The following CSMD1 variants were observed in gnomAD, a reference collection of about 807,000 sequenced individuals.
CSMD1 encodes the protein CUB and Sushi multiple domains 1.
A neutral mutation model predicts 417.5 loss-of-function variants in CSMD1; 213 were observed. The observed-to-expected ratio is 0.51, with a 90% CI of 0.46 to 0.57. The LOEUF (loss-of-function observed/expected upper bound fraction) is 0.57. Among genes scored for constraint, CSMD1 ranks in the 20% least tolerant of loss-of-function variants. The pLI, the probability that CSMD1 is intolerant of heterozygous loss-of-function variation, is 0.00. For missense variants in CSMD1, 6,923 were observed against 4,529.7 expected (o/e 1.53, Z -15.17); for synonymous variants, 2,862 against 1,736.8 (o/e 1.65, Z -16.11).
chr8:3,793,596 C>T (rs777037039), intron 5 of CSMD1, among the ~76,000 whole-genome samples: 1 of 152,074 alleles, frequency 6.6e-6, no homozygotes, highest in Non-Finnish European at 1.5e-5. Flanking sequence ...ACATGCCTCT[C>T]TTGCAGTAAA....
At chr8:4,131,734 T>G (rs1374931403) in intron 3 of CSMD1, among the ~76,000 whole-genome samples, 5 of 148,660 alleles carry the variant, frequency 3.4e-5, no homozygotes, top group African/African-American at 7.3e-5. Context: ...GTTATCAAGA[T>G]TAAATTAGTA....
chr8:3,000,837 G>C (rs1276048009), intron 52 of CSMD1, among the ~76,000 whole-genome samples: 2 of 152,148 alleles, frequency 1.3e-5, no homozygotes, highest in African/African-American at 2.4e-5. Context: ...GCGCGAGATC[G>C]CGACAGGCGT....
chr8:2,942,056 A>C (rs1411487732), intron 69 of CSMD1, among the ~76,000 whole-genome samples: 2 of 152,228 alleles, frequency 1.3e-5, no homozygotes, highest in African/African-American at 4.8e-5. Flanking sequence ...GACAACAAAA[A>C]ATCTTGACAA....
chr8:2,960,301 T>G (rs542033109), intron 62 of CSMD1, among the ~76,000 whole-genome samples: 2 of 152,340 alleles, frequency 1.3e-5, no homozygotes, highest in East Asian at 3.9e-4. Flanking sequence ...CCCTGTGGGA[T>G]GCAAGAGAGC....
rs548020602 is a variant in CSMD1 at position 4,008,393 on chromosome 8, G to C, written c.611-10283C>G. 5.3e-5 allele frequency among the ~76,000 whole-genome samples: 8 copies of C among 151,634 alleles called. No individual in the cohort carries two copies. The South Asian group carries it at 1.0e-3, about 20-fold the overall frequency. On this transcript the variant is annotated intron_variant, in intron 4 of 69. Coordinates refer to ENST00000635120, the MANE Select transcript of CSMD1 (RefSeq NM_033225.6). The stretch of plus-strand genomic sequence containing the variant: ...GCATGAAAATATATCAAAGTTTTCA[G>C]ACACTAATATGTATTATATAATTTT...
intron 3 of CSMD1, among the ~76,000 whole-genome samples, chr8:4,093,368 A>G (rs2130854144): frequency 6.6e-6 from 1 of 152,328 alleles, no homozygotes; most frequent in Admixed American, 6.5e-5. Flanking sequence ...GTTAAATTTT[A>G]TATTTAACGT....
chr8:4,613,288 T>C (rs1801287406), intron 2 of CSMD1, among the ~76,000 whole-genome samples: 1 of 152,168 alleles, frequency 6.6e-6, no homozygotes, highest in Non-Finnish European at 1.5e-5. Context: ...CCATCCATGC[T>C]CCGAGTGCCC....
intron 3 of CSMD1, among the ~76,000 whole-genome samples, chr8:4,080,376 C>A (rs1290855174): frequency 6.6e-6 from 1 of 152,170 alleles, no homozygotes; most frequent in African/African-American, 2.4e-5. Context: ...AAACAGGTAT[C>A]AGAATTCTAC....
chr8:3,216,790 C>T (rs1252854275), intron 29 of CSMD1, among the ~76,000 whole-genome samples: 2 of 152,226 alleles, frequency 1.3e-5, no homozygotes, highest in Admixed American at 1.3e-4. Flanking sequence ...GGTGGATTGC[C>T]TCAGCCAGGA....
chr8:3,748,233 G>A (rs779444789), intron 6 of CSMD1, among the ~76,000 whole-genome samples: 3 of 152,148 alleles, frequency 2.0e-5, no homozygotes, highest in Non-Finnish European at 2.9e-5. Flanking sequence ...ATTTGAATGA[G>A]TTATATTATT....
At chr8:4,069,859 T>C (rs1447555485) in intron 3 of CSMD1, among the ~76,000 whole-genome samples, 6 of 152,066 alleles carry the variant, frequency 3.9e-5, no homozygotes, top group African/African-American at 1.2e-4. Context: ...AAGTCTTCTA[T>C]CCGGTACTGC....
At chr8:3,845,772 C>A (rs1169815657) in intron 5 of CSMD1, among the ~76,000 whole-genome samples, 1 of 152,114 alleles carries the variant, frequency 6.6e-6, no homozygotes, top group South Asian at 2.1e-4. Flanking sequence ...ATACTTTGTA[C>A]AGCTGTATAA....
chr8:2,962,669 C>G (rs1395146291), intron 60 of CSMD1, 30 bp from the exon 61 acceptor site: 2 of 1,603,268 alleles, frequency 1.2e-6, no homozygotes, highest in Non-Finnish European at 1.7e-6. Context: ...AGAAGTCAGC[C>G]TTCAACGTCC....
intron 3 of CSMD1, among the ~76,000 whole-genome samples, chr8:4,393,108 T>C (rs559904124): frequency 6.6e-6 from 1 of 152,090 alleles, no homozygotes; most frequent in Non-Finnish European, 1.5e-5. Context: ...CCCGAGTAGC[T>C]GGGATTACAG....
At chr8:4,525,270 G>C (rs560916813) in intron 2 of CSMD1, among the ~76,000 whole-genome samples, 7 of 152,124 alleles carry the variant, frequency 4.6e-5, no homozygotes, top group African/African-American at 1.4e-4. Flanking sequence ...GGAAAGGAAA[G>C]ACAACACTCT....
In CSMD1 at chr8:4,460,812, C is replaced by T. The variant is rs142490938; in HGVS notation, c.303-40747G>A. ...ATTATGCTAAAGAAAATTCCAGGCT[C>T]AAATGGCTTCACTGGTGAATTCTAC... On this transcript the variant is annotated intron_variant, in intron 2 of 69. Coordinates refer to ENST00000635120, the MANE Select transcript of CSMD1 (RefSeq NM_033225.6). Among the ~76,000 whole-genome samples the T allele has an allele frequency of 7.3e-3, 1,109 of 152,196 alleles. 11 individuals carry two copies. The highest frequency in any genetic ancestry group is 0.025 in the African/African-American group (1,023 of 41,548).
chr8:4,459,087 T>C (rs766741605), intron 2 of CSMD1, among the ~76,000 whole-genome samples: 5 of 152,174 alleles, frequency 3.3e-5, no homozygotes, highest in Non-Finnish European at 7.3e-5. Context: ...TACCTGCAGA[T>C]TCCAGCCAGG....
At chr8:3,841,503 T>C (rs1393594811) in intron 5 of CSMD1, among the ~76,000 whole-genome samples, 2 of 152,200 alleles carry the variant, frequency 1.3e-5, no homozygotes, top group African/African-American at 2.4e-5. Context: ...TGCTCTTCTA[T>C]GATTTGTGGG....
intron 1 of CSMD1, among the ~76,000 whole-genome samples, chr8:4,928,240 G>C (rs560844955): frequency 4.7e-4 from 71 of 152,222 alleles, no homozygotes; most frequent in Non-Finnish European, 8.2e-4. Flanking sequence ...TGCTTCCACT[G>C]GATCTCAGCT....
Sources: gnomAD v4.1 joint callset for allele counts (sites outside exome capture counted in the v4.1 genomes callset) on GRCh38, gnomAD v4.1.1 for gene constraint, MANE v1.5 for transcripts, NCBI Gene and HGNC (gene_info 2026-07-23, HGNC 2026-07-21) for gene names.